SF3B1: variants seen among roughly 807,000 people sequenced by gnomAD.
SF3B1 encodes the protein splicing factor 3b subunit 1, also known as pre-mRNA processing 10.
A neutral mutation model predicts 153.8 loss-of-function variants in SF3B1; 12 were observed. The ratio of observed to expected loss-of-function variants is 0.08; its 90% confidence interval spans 0.05 to 0.13. The LOEUF is 0.13. SF3B1 is among the 10% of genes least tolerant of loss of function. SF3B1 has a pLI of 1.00. For synonymous variants in SF3B1, 498 were observed against 525.2 expected (o/e 0.95, Z 0.71); for missense variants, 513 against 1,606.1 (o/e 0.32, Z 11.63).
In SF3B1 at chr2:197,429,248, T is replaced by C. The variant is rs187552727; in HGVS notation, c.29-5274A>G. 2.4e-3 allele frequency among the ~76,000 whole-genome samples: 363 copies of C among 152,336 alleles called. 1 individual carries two copies. The highest frequency in any genetic ancestry group is 7.6e-3 in the African/African-American group (316 of 41,576). On this transcript the variant is annotated intron_variant, in intron 1 of 24. Coordinates refer to ENST00000335508, the MANE Select transcript of SF3B1 (RefSeq NM_012433.4). ...AGCAAGAAGAGACTAGGACTTCCTA[T>C]TGGCCACACAAAACTGCCAAAAGCT...
Position 197,402,222 on chromosome 2 carries a change from C to A in SF3B1, c.2078-92G>T, listed in dbSNP as rs2105985877. 1 of 1,418,080 alleles carries A rather than the reference C, an allele frequency of 7.1e-7. No individual in the cohort carries two copies. The highest frequency in any genetic ancestry group is 9.5e-7 in the Non-Finnish European group (1 of 1,050,684). The allele number at this position is 1,418,080 out of a possible 1,614,324, so 87.8% of individuals were successfully genotyped here. A position where few individuals can be genotyped will look rare whatever the true frequency, so the allele number is the denominator to read the frequency against. Reference sequence around the variant, plus strand: ...TTCTCTCAATATATCAACTATTCAGCCAAACTGCAGAATATGTTCACATTA... The same window carrying A: ...TTCTCTCAATATATCAACTATTCAGACAAACTGCAGAATATGTTCACATTA... On this transcript the variant is annotated intron_variant, in intron 14 of 24. Transcript: ENST00000335508. The surrounding 1 kb of genome is among the most constrained non-coding windows in gnomAD (Gnocchi z 4.6).
At chr2:197,398,362 TTA>T in intron 21 of SF3B1, 97 bp downstream of exon 21, 1 of 1,265,144 alleles carries the variant, frequency 7.9e-7, no homozygotes, top group Non-Finnish European at 1.1e-6. Flanking sequence ...TCTTTTACAC[TTA>T]TATTAGTGAC....
intron 1 of SF3B1, among the ~76,000 whole-genome samples, chr2:197,430,996 G>T (rs1045797453): frequency 6.6e-6 from 1 of 151,418 alleles, no homozygotes; most frequent in South Asian, 2.1e-4. Context: ...TCAAGCTCTT[G>T]AGAAAAACAA....
In SF3B1 at chr2:197,401,289, T is replaced by C; in HGVS notation, c.2496+111A>G. On this transcript the variant is annotated intron_variant, in intron 17 of 24. Transcript: ENST00000335508. This position sits in a 1 kb window ranked among gnomAD's most constrained non-coding sequence, Gnocchi z 4.2. ...CCATCTCCTTTCATAATCAAGCACA[T>C]ATAAACTGTGAGATAATCAAGGCAA... 7.2e-6 allele frequency: 7 copies of C among 977,428 alleles called. No individual in the cohort carries two copies. The highest frequency in any genetic ancestry group is 2.4e-5 in the East Asian group (1 of 41,270). The allele number at this position is 977,428 out of a possible 1,614,324, so 60.5% of individuals were successfully genotyped here.
At chr2:197,395,978 T>C in intron 23 of SF3B1, 78 bp downstream of exon 23, 1 of 1,295,366 alleles carries the variant, frequency 7.7e-7, no homozygotes, top group Non-Finnish European at 1.1e-6. Flanking sequence ...TAAAAAGTCA[T>C]CTAATAACTA....
At chr2:197,393,239 G>C (rs1412210104) in intron 23 of SF3B1, 51 bp from the exon 24 acceptor site, 1 of 1,197,704 alleles carries the variant, frequency 8.3e-7, no homozygotes, top group Non-Finnish European at 1.2e-6. Context: ...ATAAGAAAGG[G>C]GGAAAAATCC....
At chr2:197,392,947 A>AT (rs2084829926) in intron 24 of SF3B1, 25 bp downstream of exon 24, 1 of 1,412,194 alleles carries the variant, frequency 7.1e-7, no homozygotes, top group African/African-American at 1.5e-5. Flanking sequence ...AAAATCACCG[A>AT]TTAAAAAAAA....
intron 12 of SF3B1, 63 bp from the exon 13 acceptor site, chr2:197,403,098 A>G (rs1175635121): frequency 9.0e-7 from 1 of 1,115,372 alleles, no homozygotes; most frequent in East Asian, 2.4e-5. Context: ...ATGCTCATGT[A>G]CAGAATTAAA....
chr2:197,400,705 T>A lies in SF3B1; in HGVS notation c.2718+10A>T, dbSNP rs1228549795. 6.4e-7 allele frequency: 1 copy of A among 1,572,252 alleles called. No individual in the cohort carries two copies. The highest frequency in any genetic ancestry group is 1.7e-5 in the Admixed American group (1 of 59,392). The stretch of plus-strand genomic sequence containing the variant: ...AGTTAGTAGCAATGTGCCATAATAG[T>A]TTTCATTACCTCTGTAGTCTGTTCT... On this transcript the variant is annotated intron_variant, in intron 18 of 24. Transcript: ENST00000335508. The surrounding 1 kb of genome is among the most constrained non-coding windows in gnomAD (Gnocchi z 5.0).
intron 11 of SF3B1, among the ~76,000 whole-genome samples, chr2:197,404,493 C>G (rs1196416732): frequency 6.6e-6 from 1 of 152,120 alleles, no homozygotes; most frequent in Non-Finnish European, 1.5e-5. Context: ...GGCACAATTG[C>G]TTGAACCCAA....
Position 197,435,003 on chromosome 2 carries a change from G to T in SF3B1, c.-4C>A. On this transcript the variant is annotated 5_prime_UTR_variant, in exon 1 of 25. Coordinates refer to ENST00000335508, the MANE Select transcript of SF3B1 (RefSeq NM_012433.4). ...GAGTCTTGGCGATCTTCGCCATTTT[G>T]TCCACTCGAACACACAGACGGAACT... is the stretch of plus-strand genomic sequence containing the variant. 1 of 1,614,264 alleles carries T rather than the reference G, an allele frequency of 6.2e-7. No homozygotes were observed. The highest frequency in any genetic ancestry group is 8.5e-7 in the Non-Finnish European group (1 of 1,180,042).
chr2:197,423,968 T>G lies in SF3B1; in HGVS notation c.35A>C (p.Glu12Ala). 6 of 1,606,924 alleles carry G rather than the reference T, an allele frequency of 3.7e-6. No individual in the cohort carries two copies. The highest frequency in any genetic ancestry group is 5.1e-6 in the Non-Finnish European group (6 of 1,178,408). Residue 12 changes from glutamate to alanine, a missense_variant, in exon 2 of 25, where the codon GAA becomes GCA. Physicochemically the swap from Glu to Ala is moderately radical, Grantham distance 107. This residue lies in a region of SF3B1 where 27 missense variants were observed against 26.7 expected (regional missense o/e 1.01). Coordinates refer to ENST00000335508, the MANE Select transcript of SF3B1 (RefSeq NM_012433.4). Reference sequence around the variant, plus strand: ...GCCTTGAATTTCTCGAATCTGTGCTTCAATATCTATAAAAAGATAACACAG... The same window carrying G: ...GCCTTGAATTTCTCGAATCTGTGCTGCAATATCTATAAAAAGATAACACAG... ...AKIAKTHEDI[E>A]AQIREIQGKK...
At chr2:197,408,645 C>A in intron 7 of SF3B1, 64 bp from the exon 8 acceptor site, 2 of 1,083,544 alleles carry the variant, frequency 1.8e-6, no homozygotes, top group South Asian at 1.3e-5. Flanking sequence ...ATTCTTTATT[C>A]TCAAACAGTT....
intron 4 of SF3B1, chr2:197,418,971 C>T: frequency 1.3e-6 from 2 of 1,557,324 alleles, no homozygotes; most frequent in Non-Finnish European, 8.8e-7. Context: ...TATCTCTTTA[C>T]CATTAGTAAC....
chr2:197,422,619 G>A (rs746560183), intron 2 of SF3B1, among the ~76,000 whole-genome samples: 11 of 151,898 alleles, frequency 7.2e-5, no homozygotes, highest in Middle Eastern at 3.2e-3. Context: ...AACCAGGCGC[G>A]GTGGCTCACG....
chr2:197,421,913 G>A (rs539696466), intron 2 of SF3B1, among the ~76,000 whole-genome samples: 15 of 152,280 alleles, frequency 9.9e-5, no homozygotes, highest in African/African-American at 2.2e-4. Context: ...CTCGGGAGGC[G>A]AAGGCTATAG....
chr2:197,421,403 A>G (rs1369117061), intron 2 of SF3B1, among the ~76,000 whole-genome samples: 2 of 152,220 alleles, frequency 1.3e-5, no homozygotes, highest in Non-Finnish European at 2.9e-5. Flanking sequence ...ATGGACTAGA[A>G]AAACCTGTGC....
chr2:197,421,076 G>C lies in SF3B1; in HGVS notation c.253C>G (p.His85Asp), dbSNP rs1183412030. 9 of 1,613,170 alleles carry C rather than the reference G, an allele frequency of 5.6e-6. No homozygotes were observed. Among genetic ancestry groups the C allele is most frequent in the Non-Finnish European group, 7.6e-6 (9 of 1,179,596 alleles). The change falls in exon 3 of 25, where the codon CAT becomes GAT. Residue 85 changes from histidine (H) to aspartate (D), a missense_variant. Coordinates refer to ENST00000335508, the MANE Select transcript of SF3B1 (RefSeq NM_012433.4). ...SLLGQKKPGY[H>D]APVALLNDIP... ...TCATTAAGCAATGCCACAGGGGCATGATATCCTGGCTTCTTCTGACCAAGC... is the reference window on the plus strand; with the variant it reads ...TCATTAAGCAATGCCACAGGGGCATCATATCCTGGCTTCTTCTGACCAAGC...
At position 197,397,996 on chromosome 2, in the gene SF3B1, T is replaced by G; in HGVS notation, c.3255A>C (p.Ala1085=). The stretch of plus-strand genomic sequence containing the variant: ...TAAATAACACTCACCCAATGGCCTT[T>G]GCAATATAACCAAATGTGTTGACTG... ...RATVNTFGYI[A]KAIGPHDVLA... is the part of the protein sequence containing the mutation. Residue 1085 remains alanine, a synonymous_variant, in exon 22 of 25, where the codon GCA becomes GCC. Transcript: ENST00000335508. The G allele has an allele frequency of 1.2e-6, 2 of 1,613,060 alleles. No individual in the cohort carries two copies. The highest frequency in any genetic ancestry group is 1.7e-4 in the Middle Eastern group (1 of 6,054).
Sources: gnomAD v4.1 joint callset for allele counts (sites outside exome capture counted in the v4.1 genomes callset) on GRCh38, gnomAD v4.1.1 for gene constraint, gnomAD v4.1.1 regional missense constraint, Gnocchi (gnomAD v3.1) non-coding constraint, MANE v1.5 for transcripts, NCBI Gene and HGNC (gene_info 2026-07-23, HGNC 2026-07-21) for gene names.